Variants in UBE2H observed in about 807,000 individuals in gnomAD.
UBE2H encodes the protein ubiquitin-conjugating enzyme E2 H.
UBE2H carries 3 observed loss-of-function variants against 29.0 expected under a neutral mutation model. That is an observed-to-expected ratio of 0.10 (90% CI 0.05 to 0.27). The LOEUF is 0.27. Ranked by LOEUF, UBE2H falls within the 10% of genes least tolerant of loss-of-function variation. UBE2H has a pLI of 1.00. For synonymous variants in UBE2H, 69 were observed against 82.9 expected (o/e 0.83, Z 0.91); for missense variants, 68 against 228.2 (o/e 0.30, Z 4.52).
Position 129,947,778 on chromosome 7 carries a change from A to G in UBE2H, c.53+4725T>C, listed in dbSNP as rs552360635. Among the ~76,000 whole-genome samples, 16 of 152,258 alleles carry G rather than the reference A, an allele frequency of 1.1e-4. No homozygotes were observed. In the South Asian group the frequency reaches 3.1e-3, roughly 30 times the overall value. ...AGTTTTAACTAATTGCATAAGCACC[A>G]TGACCACCCATACTGAATTTTTCAC... On this transcript the variant is annotated intron_variant, in intron 1 of 6. Coordinates refer to ENST00000355621, the MANE Select transcript of UBE2H (RefSeq NM_003344.4).
At chr7:129,950,461 G>A (rs939253968) in intron 1 of UBE2H, among the ~76,000 whole-genome samples, 3 of 151,396 alleles carry the variant, frequency 2.0e-5, no homozygotes, top group African/African-American at 7.3e-5. Context: ...CCCACACCCC[G>A]ACTCCTAAAT....
chr7:129,926,963 G>A (rs1327584686), intron 1 of UBE2H, among the ~76,000 whole-genome samples: 2 of 152,050 alleles, frequency 1.3e-5, no homozygotes, highest in South Asian at 2.1e-4. Context: ...CCTACCAACC[G>A]CCTCATACCT....
intron 5 of UBE2H, among the ~76,000 whole-genome samples, chr7:129,840,121 T>C (rs1805401378): frequency 6.6e-6 from 1 of 152,226 alleles, no homozygotes; most frequent in Non-Finnish European, 1.5e-5. Flanking sequence ...GGAATCTATA[T>C]GGACCACATA....
intron 1 of UBE2H, among the ~76,000 whole-genome samples, chr7:129,887,326 A>T (rs1270652055): frequency 6.7e-6 from 1 of 148,876 alleles, no homozygotes; most frequent in African/African-American, 2.5e-5. Context: ...GGTTCAAGCG[A>T]TTCTCCTGCC....
rs181481439 is a variant in UBE2H at position 129,884,615 on chromosome 7, T to C, written c.54-3644A>G. On this transcript the variant is annotated intron_variant, in intron 1 of 6. Transcript: ENST00000355621. ...CTATTTTTTTTTTTTTTTTTTGAGA[T>C]AGGGTCTCACTCTGTCATTCAGGCT... is the stretch of plus-strand genomic sequence containing the variant. 1.3e-3 allele frequency among the ~76,000 whole-genome samples: 188 copies of C among 148,608 alleles called. 1 individual carries two copies. Among genetic ancestry groups the C allele is most frequent in the African/African-American group, 4.3e-3 (174 of 40,048 alleles).
Position 129,851,886 on chromosome 7 carries a change from G to A in UBE2H, c.298+5625C>T, listed in dbSNP as rs1338515442. On this transcript the variant is annotated intron_variant, in intron 5 of 6. Coordinates refer to ENST00000355621, the MANE Select transcript of UBE2H (RefSeq NM_003344.4). ...CAGACAGATAAAGAAGGTTGGTTACGGAGCTAGCTAAGCACTGTTGAAGCG... is the reference window on the plus strand; with the variant it reads ...CAGACAGATAAAGAAGGTTGGTTACAGAGCTAGCTAAGCACTGTTGAAGCG... Among the ~76,000 whole-genome samples, 6 of 152,266 alleles carry A rather than the reference G, an allele frequency of 3.9e-5. No homozygotes were observed. In the South Asian group the frequency reaches 8.3e-4, roughly 21 times the overall value.
intron 1 of UBE2H, among the ~76,000 whole-genome samples, chr7:129,890,682 C>G (rs957927863): frequency 1.3e-5 from 2 of 152,036 alleles, no homozygotes; most frequent in Non-Finnish European, 2.9e-5. Context: ...AACGGTGATA[C>G]TATTAATGGC....
intron 1 of UBE2H, among the ~76,000 whole-genome samples, chr7:129,890,306 C>T (rs1478490948): frequency 1.3e-5 from 2 of 149,988 alleles, no homozygotes; most frequent in African/African-American, 2.5e-5. Context: ...TGTATACATA[C>T]GTGTATATAT....
At chr7:129,857,230 C>T (rs906656166) in intron 5 of UBE2H, 17 of 377,842 alleles carry the variant, frequency 4.5e-5, no homozygotes, top group Non-Finnish European at 7.6e-5. Flanking sequence ...AATGTTTGCA[C>T]ATGTATTCAT....
At chr7:129,858,834 T>G in intron 4 of UBE2H, 68 bp downstream of exon 4, 2 of 1,464,122 alleles carry the variant, frequency 1.4e-6, no homozygotes, top group Non-Finnish European at 1.9e-6. Context: ...AGGCTTTTTA[T>G]AACACAGAGA....
intron 1 of UBE2H, among the ~76,000 whole-genome samples, chr7:129,908,432 T>C (rs1360836902): frequency 6.6e-6 from 1 of 152,200 alleles, no homozygotes; most frequent in Non-Finnish European, 1.5e-5. Context: ...GCTTTCCTAG[T>C]TCAACTAGCT....
At chr7:129,943,539 G>A (rs928279907) in intron 1 of UBE2H, among the ~76,000 whole-genome samples, 6 of 152,134 alleles carry the variant, frequency 3.9e-5, no homozygotes, top group Middle Eastern at 6.8e-3. Flanking sequence ...AGTTGAAATC[G>A]CACCACTGCA....
intron 3 of UBE2H, among the ~76,000 whole-genome samples, chr7:129,869,444 T>C (rs1317007258): frequency 6.6e-6 from 1 of 152,112 alleles, no homozygotes. Context: ...TTAACTGTAA[T>C]CCACAGATTC....
At chr7:129,903,522 G>A (rs183264245) in intron 1 of UBE2H, among the ~76,000 whole-genome samples, 43 of 152,272 alleles carry the variant, frequency 2.8e-4, no homozygotes, top group Admixed American at 9.2e-4. Context: ...CAACACTTTA[G>A]GAGACCCAGG....
chr7:129,869,687 T>C (rs1805988854), intron 3 of UBE2H, among the ~76,000 whole-genome samples: 2 of 152,158 alleles, frequency 1.3e-5, no homozygotes, highest in Non-Finnish European at 2.9e-5. Context: ...ACGAATATTC[T>C]TCTGCAGAAA....
At chr7:129,922,600 T>C (rs1807185663) in intron 1 of UBE2H, among the ~76,000 whole-genome samples, 1 of 152,188 alleles carries the variant, frequency 6.6e-6, no homozygotes, top group African/African-American at 2.4e-5. Flanking sequence ...TCTTTGAAGA[T>C]GCATGTTAAA....
At chr7:129,911,038 C>G (rs535539108) in intron 1 of UBE2H, among the ~76,000 whole-genome samples, 7 of 151,776 alleles carry the variant, frequency 4.6e-5, no homozygotes, top group African/African-American at 1.4e-4. Context: ...CAGTGGTGGT[C>G]GCAATGGAGG....
At chr7:129,912,272 G>A (rs1563043763) in intron 1 of UBE2H, among the ~76,000 whole-genome samples, 1 of 152,206 alleles carries the variant, frequency 6.6e-6, no homozygotes, top group Non-Finnish European at 1.5e-5. Context: ...ACTACAGGCT[G>A]AGTATTCTTT....
intron 1 of UBE2H, among the ~76,000 whole-genome samples, chr7:129,920,173 G>A (rs1316152141): frequency 1.3e-5 from 2 of 151,544 alleles, no homozygotes; most frequent in African/African-American, 4.9e-5. Flanking sequence ...ATTTTTTCAG[G>A]GTAAATATTT....
Sources: gnomAD v4.1 joint callset for allele counts (sites outside exome capture counted in the v4.1 genomes callset) on GRCh38, gnomAD v4.1.1 for gene constraint, MANE v1.5 for transcripts, NCBI Gene and HGNC (gene_info 2026-07-23, HGNC 2026-07-21) for gene names.